The following PDGFC variants were observed in gnomAD, a reference collection of about 807,000 sequenced individuals.
PDGFC encodes the protein platelet-derived growth factor C.
PDGFC carries 12 observed loss-of-function variants against 35.5 expected under a neutral mutation model. The observed-to-expected ratio is 0.34, with a 90% CI of 0.22 to 0.55. PDGFC has a LOEUF of 0.55. Among genes scored for constraint, PDGFC ranks in the 20% least tolerant of loss-of-function variants. The pLI is 0.91. For missense variants in PDGFC, 322 were observed against 412.4 expected, an observed-to-expected ratio of 0.78 and a Z score of 1.90; for synonymous variants, 159 against 148.8, an observed-to-expected ratio of 1.07 and a Z score of -0.50.
At chr4:156,854,816 AC>A (rs1729535951) in intron 1 of PDGFC, among the ~76,000 whole-genome samples, 1 of 152,078 alleles carries the variant, frequency 6.6e-6, no homozygotes, top group African/African-American at 2.4e-5. Context: ...AAATTACCAA[AC>A]AAAAAAAAAG....
At position 156,781,550 on chromosome 4, in the gene PDGFC, G is replaced by A. The variant is rs147374951; in HGVS notation, c.496-8657C>T. Among the ~76,000 whole-genome samples the A allele has an allele frequency of 1.6e-4, 25 of 152,178 alleles. No homozygotes were observed. The East Asian group carries it at 4.6e-3, about 28-fold the overall frequency. The stretch of plus-strand genomic sequence containing the variant: ...GAAGGGCTTTGTACAGATTTCACAA[G>A]CCTCGGTTAATGCAGTATGCCTCCT... On this transcript the variant is annotated intron_variant, in intron 3 of 5. Transcript: ENST00000502773.
At chr4:156,821,437 C>T (rs1732256025) in intron 2 of PDGFC, among the ~76,000 whole-genome samples, 1 of 151,902 alleles carries the variant, frequency 6.6e-6, no homozygotes, top group African/African-American at 2.4e-5. Context: ...ATAAGGGTCT[C>T]ACTATATTGC....
At chr4:156,818,063 A>C (rs1159535163) in intron 2 of PDGFC, among the ~76,000 whole-genome samples, 1 of 148,882 alleles carries the variant, frequency 6.7e-6, no homozygotes, top group African/African-American at 2.5e-5. Context: ...CCGTCTTAAA[A>C]AAAAAAAAAA....
chr4:156,922,300 G>A (rs1731304863), intron 1 of PDGFC, among the ~76,000 whole-genome samples: 1 of 151,874 alleles, frequency 6.6e-6, no homozygotes, highest in African/African-American at 2.4e-5. Context: ...AGAATCTTTT[G>A]TTTTATAACC....
intron 3 of PDGFC, among the ~76,000 whole-genome samples, chr4:156,781,713 G>A (rs889185021): frequency 1.3e-5 from 2 of 152,060 alleles, no homozygotes; most frequent in African/African-American, 4.8e-5. Flanking sequence ...AGAAAATGGG[G>A]CGTTTGTCAA....
At chr4:156,937,469 G>A (rs1455152559) in intron 1 of PDGFC, among the ~76,000 whole-genome samples, 1 of 152,144 alleles carries the variant, frequency 6.6e-6, no homozygotes, top group African/African-American at 2.4e-5. Flanking sequence ...GGAGGCTGAG[G>A]AAGGCAAATG....
intron 1 of PDGFC, among the ~76,000 whole-genome samples, chr4:156,933,022 C>T (rs931274556): frequency 6.6e-6 from 1 of 152,088 alleles, no homozygotes; most frequent in Non-Finnish European, 1.5e-5. Context: ...CTGTTGAGAA[C>T]CTAGTCTCTG....
intron 1 of PDGFC, among the ~76,000 whole-genome samples, chr4:156,862,869 A>C (rs1241146101): frequency 1.3e-5 from 2 of 151,876 alleles, no homozygotes; most frequent in Non-Finnish European, 2.9e-5. Context: ...CAATTTTTGT[A>C]GTTTTAGTAG....
chr4:156,913,765 T>C (rs1731096160), intron 1 of PDGFC, among the ~76,000 whole-genome samples: 1 of 152,184 alleles, frequency 6.6e-6, no homozygotes, highest in Non-Finnish European at 1.5e-5. Flanking sequence ...GATTTAGGAA[T>C]GGTACCTGCA....
intron 2 of PDGFC, among the ~76,000 whole-genome samples, chr4:156,844,943 TA>T (rs1277037062): frequency 6.6e-6 from 1 of 151,840 alleles, no homozygotes; most frequent in African/African-American, 2.4e-5. Context: ...ATTGATGTAA[TA>T]GGAACATAAA....
At chr4:156,822,547 C>T (rs1247441070) in intron 2 of PDGFC, among the ~76,000 whole-genome samples, 3 of 151,714 alleles carry the variant, frequency 2.0e-5, no homozygotes, top group Non-Finnish European at 4.4e-5. Flanking sequence ...CAATAATAAA[C>T]ATAAAAATCA....
intron 1 of PDGFC, among the ~76,000 whole-genome samples, chr4:156,938,104 T>G (rs1320727978): frequency 6.6e-6 from 1 of 152,042 alleles, no homozygotes; most frequent in Non-Finnish European, 1.5e-5. Flanking sequence ...AAGGACAAAT[T>G]TTTACAATTT....
chr4:156,871,142 C>A (rs1375008551), intron 1 of PDGFC, among the ~76,000 whole-genome samples: 1 of 152,044 alleles, frequency 6.6e-6, no homozygotes, highest in Non-Finnish European at 1.5e-5. Flanking sequence ...ATAGGAGCAG[C>A]TGCAACTTCT....
Position 156,788,268 on chromosome 4 carries a change from A to G in PDGFC, c.496-15375T>C, listed in dbSNP as rs1731184543. On this transcript the variant is annotated intron_variant, in intron 3 of 5. Coordinates refer to ENST00000502773, the MANE Select transcript of PDGFC (RefSeq NM_016205.3). ...AAAGACAAATACACAGGAAAGCTGA[A>G]GGAAGAATGCCTAGGTGTCCACAGA... Among the ~76,000 whole-genome samples the G allele has an allele frequency of 3.3e-5, 5 of 152,306 alleles. No individual in the cohort carries two copies. The South Asian group carries it at 1.0e-3, about 32-fold the overall frequency.
intron 4 of PDGFC, among the ~76,000 whole-genome samples, chr4:156,770,856 T>C (rs763256539): frequency 1.3e-5 from 2 of 152,174 alleles, no homozygotes; most frequent in Non-Finnish European, 2.9e-5. Context: ...CTGAGGGTGG[T>C]CTTTCTAAGA....
At chr4:156,909,465 C>T (rs1457843134) in intron 1 of PDGFC, among the ~76,000 whole-genome samples, 1 of 152,092 alleles carries the variant, frequency 6.6e-6, no homozygotes, top group Non-Finnish European at 1.5e-5. Flanking sequence ...GAAATACAAA[C>T]ACATTTGGGA....
intron 1 of PDGFC, among the ~76,000 whole-genome samples, chr4:156,869,242 G>A (rs1365040136): frequency 6.6e-6 from 1 of 152,022 alleles, no homozygotes; most frequent in African/African-American, 2.4e-5. Flanking sequence ...GACCATCCTG[G>A]CTAACAGGGT....
intron 1 of PDGFC, among the ~76,000 whole-genome samples, chr4:156,899,256 A>G (rs1227851802): frequency 6.6e-6 from 1 of 152,212 alleles, no homozygotes; most frequent in East Asian, 1.9e-4. Flanking sequence ...TGTATCAGGT[A>G]TTACAAGTAA....
At chr4:156,764,560 T>C (rs945243891) in intron 5 of PDGFC, among the ~76,000 whole-genome samples, 3 of 152,198 alleles carry the variant, frequency 2.0e-5, no homozygotes, top group African/African-American at 7.2e-5. Flanking sequence ...ACATTCTATT[T>C]ATTTAGTAAC....
Sources: allele counts gnomAD v4.1 joint callset (sites outside exome capture counted in the v4.1 genomes callset), GRCh38; gene constraint gnomAD v4.1.1; transcripts MANE v1.5; gene names NCBI Gene and HGNC (gene_info 2026-07-23, HGNC 2026-07-21).